The following OR9Q1 variants were observed in gnomAD, a reference collection of about 807,000 sequenced individuals.
The protein encoded by OR9Q1 is olfactory receptor 9Q1.
For missense variants in OR9Q1, 374 were observed against 378.8 expected, an observed-to-expected ratio of 0.99 and a Z score of 0.11; for synonymous variants, 153 against 148.6, an observed-to-expected ratio of 1.03 and a Z score of -0.22.
chr11:58,054,088 A>C (rs1326076220), intron 1 of OR9Q1, among the ~76,000 whole-genome samples: 1 of 152,184 alleles, frequency 6.6e-6, no homozygotes, highest in Admixed American at 6.6e-5. Flanking sequence ...TCAAATCATC[A>C]CATTGTGCCC....
In OR9Q1 at chr11:58,180,220, T is replaced by G. The variant is rs777514944; in HGVS notation, c.776T>G (p.Leu259Trp). 2 of 1,614,122 alleles carry G rather than the reference T, an allele frequency of 1.2e-6. No individual in the cohort carries two copies. The highest frequency in any genetic ancestry group is 1.7e-5 in the Admixed American group (1 of 60,028). The part of the protein sequence containing the change: ...LFFGTLIFMY[L>W]RGNSDQSSEK... ...TTTGGTACCCTCATCTTCATGTACT[T>G]GAGAGGTAACTCAGATCAGTCTTCG... The change falls in exon 3 of 3, where the codon TTG becomes TGG. Residue 259 changes from leucine (L) to tryptophan (W), a missense_variant. By Grantham distance (61) the Leu-to-Trp change is moderately conservative. Transcript: ENST00000335397.
At chr11:58,042,220 T>G (rs924204666) in intron 1 of OR9Q1, among the ~76,000 whole-genome samples, 1 of 152,240 alleles carries the variant, frequency 6.6e-6, no homozygotes, top group African/African-American at 2.4e-5. Flanking sequence ...TTATTCTTAT[T>G]TGATCTCTTT....
rs369057028 is a variant in OR9Q1 at position 58,150,189 on chromosome 11, T to C, written c.-14-29242T>C. On this transcript the variant is annotated intron_variant, in intron 2 of 2. Coordinates refer to ENST00000335397, the MANE Select transcript of OR9Q1 (RefSeq NM_001005212.4). ...ATGAAATGGTATTTCACTGTGGTTT[T>C]GAATTGCATTACCTAATTACTAGTG... 2.6e-5 allele frequency among the ~76,000 whole-genome samples: 4 copies of C among 152,338 alleles called. No individual in the cohort carries two copies. In the East Asian group the frequency reaches 5.8e-4, roughly 22 times the overall value.
intron 2 of OR9Q1, among the ~76,000 whole-genome samples, chr11:58,115,497 C>T (rs569245309): frequency 2.0e-4 from 31 of 152,254 alleles, no homozygotes; most frequent in Admixed American, 3.3e-4. Context: ...ACCACAGGTG[C>T]GTACAGTTTT....
intron 1 of OR9Q1, chr11:58,030,812 A>G: frequency 1.6e-6 from 1 of 639,212 alleles, no homozygotes; most frequent in Non-Finnish European, 2.8e-6. Context: ...GAATTCTTTG[A>G]GGGTAAGAAC....
intron 2 of OR9Q1, among the ~76,000 whole-genome samples, chr11:58,062,005 T>C (rs1395032110): frequency 1.3e-5 from 2 of 152,154 alleles, no homozygotes; most frequent in Non-Finnish European, 2.9e-5. Flanking sequence ...ATGTCATAGT[T>C]TCAAGAAAGG....
Position 58,105,983 on chromosome 11 carries a change from G to A in OR9Q1, c.-15+50036G>A, listed in dbSNP as rs552980724. ...TTAAACTCTTTTGGATATATGTCCA[G>A]GAGTGGGACTGCTGGATCATTTGAT... On this transcript the variant is annotated intron_variant, in intron 2 of 2. Coordinates refer to ENST00000335397, the MANE Select transcript of OR9Q1 (RefSeq NM_001005212.4). Among the ~76,000 whole-genome samples, 32 of 152,134 alleles carry A rather than the reference G, an allele frequency of 2.1e-4. 2 individuals are homozygous for A. In the South Asian group the frequency reaches 6.7e-3, roughly 32 times the overall value.
intron 2 of OR9Q1, among the ~76,000 whole-genome samples, chr11:58,163,379 T>A (rs1020235233): frequency 2.6e-5 from 4 of 152,204 alleles, no homozygotes; most frequent in African/African-American, 7.2e-5. Context: ...GTGCAGATGG[T>A]CCCCACCTGT....
chr11:58,037,694 T>TAG (rs1853120522), intron 1 of OR9Q1, among the ~76,000 whole-genome samples: 5 of 6,276 alleles, frequency 8.0e-4, no homozygotes, highest in African/African-American at 1.8e-3. Context: ...TATATATTTT[T>TAG]TTTTTTTTTT....
intron 2 of OR9Q1, among the ~76,000 whole-genome samples, chr11:58,065,119 G>A (rs568245331): frequency 1.1e-4 from 16 of 152,254 alleles, no homozygotes; most frequent in Admixed American, 3.9e-4. Flanking sequence ...TGACAGAGGG[G>A]CTATGGAGTG....
intron 2 of OR9Q1, among the ~76,000 whole-genome samples, chr11:58,115,524 AGAAAAG>A (rs1217477680): frequency 6.6e-6 from 1 of 152,204 alleles, no homozygotes; most frequent in Non-Finnish European, 1.5e-5. Context: ...TTAAAAATAA[AGAAAAG>A]GAAGGCTGCT....
chr11:58,042,480 G>A, intron 1 of OR9Q1, among the ~76,000 whole-genome samples: 1 of 151,558 alleles, frequency 6.6e-6, no homozygotes, highest in South Asian at 2.1e-4. Flanking sequence ...ATTTCTGATG[G>A]CTCTGTTCCG....
At chr11:58,077,919 G>T (rs1264491351) in intron 2 of OR9Q1, 1 of 152,176 alleles carries the variant, frequency 6.6e-6, no homozygotes, top group Non-Finnish European at 1.5e-5. Context: ...GACTTTAGGA[G>T]GCTGAGGTGG....
At chr11:58,162,559 G>A (rs1338960214) in intron 2 of OR9Q1, among the ~76,000 whole-genome samples, 2 of 152,134 alleles carry the variant, frequency 1.3e-5, no homozygotes, top group African/African-American at 2.4e-5. Flanking sequence ...ATTTTCTGAC[G>A]CTGTAAAGAG....
chr11:58,092,441 A>G (rs1291873054), intron 2 of OR9Q1, among the ~76,000 whole-genome samples: 9 of 152,064 alleles, frequency 5.9e-5, no homozygotes, highest in Admixed American at 5.9e-4. Flanking sequence ...AAGACATAAT[A>G]ATATATATTT....
intron 1 of OR9Q1, among the ~76,000 whole-genome samples, chr11:58,025,651 T>C (rs1244112399): frequency 6.6e-6 from 1 of 152,226 alleles, no homozygotes; most frequent in Non-Finnish European, 1.5e-5. Context: ...ATGACTTCAA[T>C]GATTCCATCA....
intron 2 of OR9Q1, among the ~76,000 whole-genome samples, chr11:58,056,231 A>G (rs2513707): frequency 0.035 from 5,363 of 152,288 alleles, 332 homozygotes; most frequent in African/African-American, 0.12. Context: ...AATGACTTGC[A>G]CAATTCCTGA....
At chr11:58,076,359 C>T (rs1378394628) in intron 2 of OR9Q1, among the ~76,000 whole-genome samples, 1 of 152,166 alleles carries the variant, frequency 6.6e-6, no homozygotes, top group Non-Finnish European at 1.5e-5. Flanking sequence ...CCTCCAAACT[C>T]TTTCAGGTTG....
chr11:58,148,465 T>G (rs1043712158), intron 2 of OR9Q1, among the ~76,000 whole-genome samples: 6 of 152,154 alleles, frequency 3.9e-5, no homozygotes, highest in African/African-American at 1.4e-4. Context: ...TTTCTTTTTT[T>G]CCTCCTTGCT....
Sources: gnomAD v4.1 joint callset for allele counts (sites outside exome capture counted in the v4.1 genomes callset) on GRCh38, gnomAD v4.1.1 for gene constraint, MANE v1.5 for transcripts, NCBI Gene and HGNC (gene_info 2026-07-23, HGNC 2026-07-21) for gene names.